Variants in GRIN2B observed in about 807,000 individuals in gnomAD.
GRIN2B encodes the protein glutamate ionotropic receptor NMDA type subunit 2B.
In GRIN2B, 5 loss-of-function variants were observed where a neutral mutation model predicts 114.5. The observed-to-expected ratio is 0.04, with a 90% CI of 0.02 to 0.09. GRIN2B has a LOEUF of 0.09. Ranked by LOEUF, GRIN2B falls within the 10% of genes least tolerant of loss-of-function variation. The pLI is 1.00. For missense variants in GRIN2B, 1,108 were observed against 1,943.5 expected, an observed-to-expected ratio of 0.57 and a Z score of 8.08; for synonymous variants, 787 against 745.1, an observed-to-expected ratio of 1.06 and a Z score of -0.92.
chr12:13,737,021 ACT>A (rs1863195508), intron 4 of GRIN2B, among the ~76,000 whole-genome samples: 1 of 78,774 alleles, frequency 1.3e-5, no homozygotes, highest in Admixed American at 1.8e-4. Flanking sequence ...CAAGAGAGAA[ACT>A]CCATCTCAAA....
At chr12:13,869,241 C>CTTTTTTTTTTTTTTTTTTTTTT (rs377460231) in intron 2 of GRIN2B, among the ~76,000 whole-genome samples, 1 of 127,374 alleles carries the variant, frequency 7.9e-6, no homozygotes, top group African/African-American at 3.0e-5. Context: ...CTTTTTTTTT[C>CTTTTTTTTTTTTTTTTTTTTTT]TTTTTTTTTT....
intron 4 of GRIN2B, among the ~76,000 whole-genome samples, chr12:13,747,743 A>T (rs1863412348): frequency 6.6e-6 from 1 of 152,240 alleles, no homozygotes; most frequent in Non-Finnish European, 1.5e-5. Flanking sequence ...GTGAACCTAT[A>T]ACATGCGTTT....
chr12:13,570,079 G>T (rs1489035170), intron 11 of GRIN2B, 62 bp from the exon 12 acceptor site: 3 of 1,130,346 alleles, frequency 2.7e-6, no homozygotes, highest in Admixed American at 3.5e-5. Flanking sequence ...TACCTGTGGG[G>T]CCATTAATAT....
chr12:13,807,460 T>C (rs1864623934), intron 3 of GRIN2B, among the ~76,000 whole-genome samples: 1 of 152,078 alleles, frequency 6.6e-6, no homozygotes, highest in South Asian at 2.1e-4. Flanking sequence ...TGCATCTCTC[T>C]GACCACATTC....
intron 2 of GRIN2B, among the ~76,000 whole-genome samples, chr12:13,920,637 G>A (rs1232675040): frequency 1.3e-5 from 2 of 152,154 alleles, no homozygotes; most frequent in Non-Finnish European, 2.9e-5. Flanking sequence ...GGTGGGGAAG[G>A]TGGAAGAGAA....
intron 10 of GRIN2B, among the ~76,000 whole-genome samples, chr12:13,589,558 G>A (rs10845808): frequency 0.2 from 30,775 of 152,156 alleles, 3,585 homozygotes; most frequent in African/African-American, 0.32. Context: ...TGATTTTCCT[G>A]TACTCTATTC....
At chr12:13,972,347 A>G (rs1862937322) in intron 2 of GRIN2B, among the ~76,000 whole-genome samples, 1 of 152,200 alleles carries the variant, frequency 6.6e-6, no homozygotes, top group African/African-American at 2.4e-5. Context: ...ATTGAGGTCC[A>G]GAGTCAACGG....
intron 10 of GRIN2B, among the ~76,000 whole-genome samples, chr12:13,580,937 TG>T (rs1208795224): frequency 6.6e-6 from 1 of 152,222 alleles, no homozygotes; most frequent in Non-Finnish European, 1.5e-5. Flanking sequence ...CTTTTGAGAC[TG>T]GCTTTTTTAC....
chr12:13,789,695 G>A lies in GRIN2B; in HGVS notation c.412-35780C>T, dbSNP rs965540286. Among the ~76,000 whole-genome samples the A allele has an allele frequency of 2.6e-5, 4 of 152,204 alleles. No homozygotes were observed. The South Asian group carries it at 8.3e-4, about 31-fold the overall frequency. On this transcript the variant is annotated intron_variant, in intron 3 of 13. Transcript: ENST00000609686. Reference sequence around the variant, plus strand: ...GCTATGCATCAGAGTTGGGTAAAGTGAGGAGTATAAGTAAGTGCTCAATAT... The same window carrying A: ...GCTATGCATCAGAGTTGGGTAAAGTAAGGAGTATAAGTAAGTGCTCAATAT...
chr12:13,789,260 A>G (rs1418400630), intron 3 of GRIN2B, among the ~76,000 whole-genome samples: 2 of 152,226 alleles, frequency 1.3e-5, no homozygotes, highest in African/African-American at 2.4e-5. Context: ...CAACGGTGCA[A>G]TAATGGTATC....
chr12:13,863,090 G>C (rs1265928102), intron 3 of GRIN2B, among the ~76,000 whole-genome samples: 1 of 152,206 alleles, frequency 6.6e-6, no homozygotes, highest in Non-Finnish European at 1.5e-5. Context: ...GAATATTTGG[G>C]TGTGGTAGCA....
chr12:13,570,914 C>A (rs1043297619), intron 11 of GRIN2B, among the ~76,000 whole-genome samples: 2 of 152,190 alleles, frequency 1.3e-5, no homozygotes, highest in African/African-American at 4.8e-5. Flanking sequence ...CACCAAAAAA[C>A]CAAATCCCTG....
rs1252497532 is a variant in GRIN2B at position 13,753,248 on chromosome 12, C to G, written c.1010+69G>C. On this transcript the variant is annotated intron_variant, in intron 4 of 13. Coordinates refer to ENST00000609686, the MANE Select transcript of GRIN2B (RefSeq NM_000834.5). The surrounding 1 kb of genome is among the most constrained non-coding windows in gnomAD (Gnocchi z 6.2). ...AACTGTTCTTCCTGCAGTTTCTGAA[C>G]TTCCAACCCCAGTCTTTGAAGCTCC... 8.3e-6 allele frequency: 8 copies of G among 964,418 alleles called. No individual in the cohort carries two copies. In the East Asian group the frequency reaches 1.7e-4, roughly 20 times the overall value. The allele number at this position is 964,418 out of a possible 1,614,324, so 59.7% of individuals were successfully genotyped here. A position where few individuals can be genotyped will look rare whatever the true frequency, so the allele number is the denominator to read the frequency against.
At chr12:13,952,156 A>G (rs959332551) in intron 2 of GRIN2B, among the ~76,000 whole-genome samples, 2 of 152,120 alleles carry the variant, frequency 1.3e-5, no homozygotes, top group African/African-American at 4.8e-5. Flanking sequence ...GGATGTGTCT[A>G]TATGTGCATG....
At chr12:13,664,395 G>T (rs886792984) in intron 5 of GRIN2B, among the ~76,000 whole-genome samples, 1 of 152,122 alleles carries the variant, frequency 6.6e-6, no homozygotes, top group Admixed American at 6.6e-5. Context: ...TAACAATTTT[G>T]CCACATCTGT....
intron 10 of GRIN2B, among the ~76,000 whole-genome samples, chr12:13,576,392 G>A (rs182062257): frequency 1.8e-4 from 28 of 152,172 alleles, no homozygotes; most frequent in Admixed American, 8.5e-4. Context: ...GAACCAGAAT[G>A]TCTTAACATT....
chr12:13,865,153 G>T (rs117280391), intron 3 of GRIN2B, among the ~76,000 whole-genome samples: 37 of 152,304 alleles, frequency 2.4e-4, no homozygotes, highest in African/African-American at 8.7e-4. Context: ...GGGAGAACAC[G>T]TATTGCCAAA....
chr12:13,678,990 A>C (rs112557163), intron 4 of GRIN2B, among the ~76,000 whole-genome samples: 35 of 151,274 alleles, frequency 2.3e-4, no homozygotes, highest in African/African-American at 7.8e-4. Context: ...AAAGGAAGAA[A>C]AGGAAAGAGG....
chr12:13,641,380 G>A (rs575260743), intron 5 of GRIN2B, among the ~76,000 whole-genome samples: 9 of 152,042 alleles, frequency 5.9e-5, no homozygotes, highest in Admixed American at 2.0e-4. Context: ...GCCTTGCATC[G>A]TTAATTTGAG....
Sources: allele counts gnomAD v4.1 joint callset (sites outside exome capture counted in the v4.1 genomes callset), GRCh38; gene constraint gnomAD v4.1.1; non-coding constraint Gnocchi (gnomAD v3.1); transcripts MANE v1.5; gene names NCBI Gene and HGNC (gene_info 2026-07-23, HGNC 2026-07-21).